Variants in ARMH3 observed in about 807,000 individuals in gnomAD.
ARMH3 encodes armadillo like helical domain containing 3, also known as armadillo-like helical domain-containing protein 3.
Under a neutral mutation model 99.1 loss-of-function variants are expected in ARMH3, and 60 were observed. The ratio of observed to expected loss-of-function variants is 0.61; its 90% CI spans 0.49 to 0.75. The LOEUF (loss-of-function observed/expected upper bound fraction) is 0.75. Among genes scored for constraint, ARMH3 ranks in the 30% least tolerant of loss-of-function variants. The pLI is 0.00. For missense variants in ARMH3, 679 were observed against 843.1 expected (o/e 0.81, Z 2.41); for synonymous variants, 285 against 292.8 (o/e 0.97, Z 0.27).
intron 19 of ARMH3, among the ~76,000 whole-genome samples, chr10:101,975,632 G>A (rs889221515): frequency 3.6e-4 from 54 of 152,026 alleles, no homozygotes; most frequent in Admixed American, 1.5e-3. Context: ...TTGGGAGGCC[G>A]AGGCAGGCAG....
At chr10:101,850,536 T>A (rs187297522) in intron 24 of ARMH3, among the ~76,000 whole-genome samples, 2 of 151,926 alleles carry the variant, frequency 1.3e-5, no homozygotes, top group African/African-American at 2.4e-5. Context: ...GCAATTCTCA[T>A]GCCTCAACCT....
intron 23 of ARMH3, among the ~76,000 whole-genome samples, chr10:101,938,310 A>G (rs1443896682): frequency 4.6e-5 from 7 of 152,256 alleles, no homozygotes; most frequent in Non-Finnish European, 4.4e-5. Context: ...TCATGCAAAG[A>G]GAAGAAAGAA....
At chr10:101,924,880 GCTA>G (rs1843449936) in intron 23 of ARMH3, among the ~76,000 whole-genome samples, 1 of 152,106 alleles carries the variant, frequency 6.6e-6, no homozygotes, top group Admixed American at 6.5e-5. Flanking sequence ...TGTAGTCCCA[GCTA>G]CTTGGGAGGC....
intron 22 of ARMH3, among the ~76,000 whole-genome samples, chr10:101,947,165 C>T (rs899326410): frequency 6.6e-6 from 1 of 151,306 alleles, no homozygotes; most frequent in Non-Finnish European, 1.5e-5. Flanking sequence ...CCAGCCTAGG[C>T]GACAGAGCGA....
chr10:101,976,414 A>T (rs10883700), intron 19 of ARMH3, among the ~76,000 whole-genome samples: 20,122 of 68,768 alleles, frequency 0.29, 1,385 homozygotes, highest in East Asian at 0.33. Context: ...TCTCTCTCTC[A>T]CACACACACA....
intron 16 of ARMH3, among the ~76,000 whole-genome samples, chr10:101,993,934 C>T (rs541745951): frequency 6.6e-6 from 1 of 152,150 alleles, no homozygotes; most frequent in Non-Finnish European, 1.5e-5. Flanking sequence ...AAGGAGCTGG[C>T]TCTGTTTGTG....
At chr10:101,992,445 CAGT>C (rs1846843299) in intron 17 of ARMH3, among the ~76,000 whole-genome samples, 2 of 150,334 alleles carry the variant, frequency 1.3e-5, no homozygotes, top group Non-Finnish European at 3.0e-5. Context: ...GAAGCAGCAA[CAGT>C]AGTAGTTGCA....
chr10:101,928,704 A>G (rs1173451542), intron 23 of ARMH3, among the ~76,000 whole-genome samples: 3 of 152,066 alleles, frequency 2.0e-5, no homozygotes, highest in Non-Finnish European at 2.9e-5. Flanking sequence ...ATACAATACA[A>G]TAAGATATTT....
intron 16 of ARMH3, among the ~76,000 whole-genome samples, chr10:101,994,108 G>A (rs757677185): frequency 8.5e-5 from 13 of 152,090 alleles, no homozygotes; most frequent in Non-Finnish European, 1.8e-4. Flanking sequence ...TGTCTATTCC[G>A]GGCTTTCCTG....
At position 102,023,554 on chromosome 10, in the gene ARMH3, G is replaced by A. The variant is rs1459786642; in HGVS notation, c.592C>T (p.His198Tyr). 6.2e-7 allele frequency: 1 copy of A among 1,613,902 alleles called. No individual in the cohort carries two copies. Among genetic ancestry groups the A allele is most frequent in the African/African-American group, 1.3e-5 (1 of 74,888 alleles). ...CCATGCTCCCTACGACTTGGGGGAT[G>A]GGAAAGTATCTGTAACAAGAACCAA... ...IFEAILQILSHPPSRREHGYD... is the reference protein window; with the variant it reads ...IFEAILQILSYPPSRREHGYD... Residue 198 changes from histidine to tyrosine, a missense_variant, in exon 8 of 26, where the codon CAT becomes TAT. Physicochemically the swap from His to Tyr is moderately conservative, Grantham distance 83. Around this residue, in one of 3 missense-constraint regions of ARMH3, gnomAD observed 280 missense variants for 354.6 expected, o/e 0.79. Transcript: ENST00000370033.
chr10:102,005,942 G>A (rs75667145), intron 14 of ARMH3, among the ~76,000 whole-genome samples: 267 of 152,314 alleles, frequency 1.8e-3, no homozygotes, highest in Non-Finnish European at 3.2e-3. Flanking sequence ...CAGTGAGTGA[G>A]TGCCAGGTTC....
chr10:102,009,915 A>G, intron 12 of ARMH3, 62 bp downstream of exon 12: 1 of 1,476,756 alleles, frequency 6.8e-7, no homozygotes, highest in Non-Finnish European at 9.4e-7. Context: ...GCACACTCTC[A>G]TATCCAGCAG....
intron 23 of ARMH3, among the ~76,000 whole-genome samples, chr10:101,933,867 G>A (rs1051420780): frequency 6.6e-6 from 1 of 152,168 alleles, no homozygotes; most frequent in Non-Finnish European, 1.5e-5. Flanking sequence ...AATCAATTTA[G>A]TCCACATTTA....
chr10:101,861,011 A>G (rs912199601), intron 24 of ARMH3, among the ~76,000 whole-genome samples: 1 of 152,236 alleles, frequency 6.6e-6, no homozygotes, highest in African/African-American at 2.4e-5. Flanking sequence ...GAAAAATGTG[A>G]CCTATAACCA....
At chr10:101,968,843 G>T (rs553008116) in intron 20 of ARMH3, among the ~76,000 whole-genome samples, 23 of 152,116 alleles carry the variant, frequency 1.5e-4, no homozygotes, top group Non-Finnish European at 2.9e-4. Context: ...TTTCTATACT[G>T]CTGTAGACAA....
intron 23 of ARMH3, among the ~76,000 whole-genome samples, chr10:101,924,788 G>T (rs561710811): frequency 6.6e-5 from 10 of 152,230 alleles, no homozygotes; most frequent in African/African-American, 1.9e-4. Flanking sequence ...GAGGTCAGAA[G>T]TTCAAGACCA....
chr10:101,999,313 T>A (rs750986526), intron 15 of ARMH3, among the ~76,000 whole-genome samples: 2 of 152,180 alleles, frequency 1.3e-5, no homozygotes, highest in South Asian at 4.1e-4. Context: ...TGCCTCAGCC[T>A]CCCAAGCAGC....
intron 23 of ARMH3, among the ~76,000 whole-genome samples, chr10:101,901,279 C>T (rs969214162): frequency 8.7e-5 from 13 of 149,784 alleles, no homozygotes; most frequent in African/African-American, 3.0e-4. Flanking sequence ...ATATGGATCA[C>T]GTACTGGTTT....
Position 102,023,555 on chromosome 10 carries a change from G to A in ARMH3, c.591C>T (p.Ser197=), listed in dbSNP as rs1316774603. The A allele has an allele frequency of 6.2e-7, 1 of 1,614,000 alleles. No individual in the cohort carries two copies. The highest frequency in any genetic ancestry group is 1.7e-5 in the Admixed American group (1 of 59,970). The part of the protein sequence containing the change: ...SIFEAILQIL[S]HPPSRREHGY... Reference sequence around the variant, plus strand: ...CATGCTCCCTACGACTTGGGGGATGGGAAAGTATCTGTAACAAGAACCAAA... The same window carrying A: ...CATGCTCCCTACGACTTGGGGGATGAGAAAGTATCTGTAACAAGAACCAAA... The change falls in exon 8 of 26, where the codon TCC becomes TCT. Residue 197 remains serine, a synonymous_variant. Transcript: ENST00000370033.
Sources: allele counts gnomAD v4.1 joint callset (sites outside exome capture counted in the v4.1 genomes callset), GRCh38; gene constraint gnomAD v4.1.1; regional missense constraint gnomAD v4.1.1; transcripts MANE v1.5; gene names NCBI Gene and HGNC (gene_info 2026-07-23, HGNC 2026-07-21).